DDX10: variants seen among roughly 807,000 people sequenced by gnomAD.
DDX10 encodes the protein DEAD-box helicase 10.
DDX10 carries 74 observed loss-of-function variants against 104.3 expected under a neutral mutation model. The observed-to-expected ratio is 0.71, with a 90% CI of 0.59 to 0.86. The LOEUF (loss-of-function observed/expected upper bound fraction) is 0.86, where lower values mean the gene tolerates loss of function less well. DDX10 is among the 40% of genes least tolerant of loss of function. The probability of loss-of-function intolerance (pLI) is 0.00; values close to 1 mark genes in which losing one functional copy is unlikely to be tolerated. For missense variants in DDX10, 952 were observed against 1,040.0 expected (o/e 0.92, Z 1.16); for synonymous variants, 351 against 353.4 (o/e 0.99, Z 0.08).
chr11:108,696,475 C>T lies in DDX10; in HGVS notation c.1223+2875C>T, dbSNP rs77980345. ...TACAGGTGTGAGCCACAGTGCCCGG[C>T]GAGTACCTGTTTTGATTGTCATTCA... is the stretch of plus-strand genomic sequence containing the variant. On this transcript the variant is annotated intron_variant, in intron 9 of 17. Transcript: ENST00000322536. Among the ~76,000 whole-genome samples, 1,457 of 152,258 alleles carry T rather than the reference C, an allele frequency of 9.6e-3. 16 individuals are homozygous for T. Among genetic ancestry groups the T allele is most frequent in the African/African-American group, 0.033 (1,360 of 41,540 alleles).
intron 3 of DDX10, among the ~76,000 whole-genome samples, chr11:108,676,711 T>C (rs1461816474): frequency 6.6e-6 from 1 of 152,228 alleles, no homozygotes; most frequent in Non-Finnish European, 1.5e-5. Context: ...CCTCCAAAGT[T>C]CTGGGATCAG....
chr11:108,787,759 C>G (rs368332397), intron 13 of DDX10, among the ~76,000 whole-genome samples: 2 of 151,988 alleles, frequency 1.3e-5, no homozygotes, highest in Non-Finnish European at 2.9e-5. Context: ...GGAGAAACCC[C>G]GTCTCTACTA....
intron 13 of DDX10, among the ~76,000 whole-genome samples, chr11:108,826,352 T>G (rs1862395171): frequency 6.6e-6 from 1 of 152,206 alleles, no homozygotes; most frequent in African/African-American, 2.4e-5. Context: ...TTACAATTAA[T>G]ACTTGCCAGA....
At chr11:108,851,049 G>T (rs1368358672) in intron 15 of DDX10, among the ~76,000 whole-genome samples, 1 of 152,026 alleles carries the variant, frequency 6.6e-6, no homozygotes, top group African/African-American at 2.4e-5. Flanking sequence ...TGTGCTAATG[G>T]ACAAAGAAAT....
At chr11:108,921,410 T>C (rs766566283) in intron 17 of DDX10, 2 of 152,238 alleles carry the variant, frequency 1.3e-5, no homozygotes, top group Non-Finnish European at 2.9e-5. Flanking sequence ...AGCTTCCATC[T>C]GCTTATGCTT....
rs1368149010 is a variant in DDX10, at chr11:108,665,084, T to C, written c.-70T>C. The C allele has an allele frequency of 4.7e-6, 7 of 1,476,066 alleles. No individual in the cohort carries two copies. Among genetic ancestry groups the C allele is most frequent in the Non-Finnish European group, 6.3e-6 (7 of 1,117,254 alleles). 91.4% of individuals were successfully genotyped at this position (1,476,066 alleles called of 1,614,324 possible). A position where few individuals can be genotyped will look rare whatever the true frequency, so the allele number is the denominator to read the frequency against. ...GCGCCTCTGTGCGTTTGTCCCATGCTGGTTCCGTGAGTCTGGCCTTAGGTG... is the reference window on the plus strand; with the variant it reads ...GCGCCTCTGTGCGTTTGTCCCATGCCGGTTCCGTGAGTCTGGCCTTAGGTG... On this transcript the variant is annotated 5_prime_UTR_variant, in exon 1 of 18. Coordinates refer to ENST00000322536, the MANE Select transcript of DDX10 (RefSeq NM_004398.4).
At chr11:108,918,269 G>T in intron 17 of DDX10, 7 of 418,718 alleles carry the variant, frequency 1.7e-5, no homozygotes, top group South Asian at 8.8e-5. Flanking sequence ...TGATATATGA[G>T]TTGTGTTTTT....
chr11:108,852,280 G>A, intron 16 of DDX10, 71 bp downstream of exon 16: 1 of 1,192,142 alleles, frequency 8.4e-7, no homozygotes, highest in South Asian at 1.5e-5. Context: ...TTTATATTTT[G>A]GCAAGAACAA....
chr11:108,927,560 GTT>G (rs1290126205), intron 17 of DDX10, among the ~76,000 whole-genome samples: 4 of 151,964 alleles, frequency 2.6e-5, no homozygotes, highest in African/African-American at 9.7e-5. Flanking sequence ...CAGGAGAGAA[GTT>G]AACAGATTTT....
chr11:108,801,240 TTA>T (rs1862016559), intron 13 of DDX10, among the ~76,000 whole-genome samples: 1 of 152,230 alleles, frequency 6.6e-6, no homozygotes, highest in African/African-American at 2.4e-5. Flanking sequence ...AAATCTATCA[TTA>T]TATGTCCTTA....
intron 13 of DDX10, among the ~76,000 whole-genome samples, chr11:108,776,377 C>T (rs34107955): frequency 0.01 from 1,581 of 152,280 alleles, 10 homozygotes; most frequent in Middle Eastern, 0.041. Context: ...GTGGCTCACT[C>T]TGTTTTGGGA....
At chr11:108,707,283 C>G (rs934525899) in intron 10 of DDX10, among the ~76,000 whole-genome samples, 1 of 152,186 alleles carries the variant, frequency 6.6e-6, no homozygotes, top group Non-Finnish European at 1.5e-5. Context: ...TCCCCTCCCC[C>G]TGAACCTCTG....
intron 16 of DDX10, among the ~76,000 whole-genome samples, chr11:108,885,860 T>G (rs1863290083): frequency 6.6e-6 from 1 of 152,122 alleles, no homozygotes; most frequent in Admixed American, 6.5e-5. Context: ...GGGCCAAAAT[T>G]TAAGAATAAT....
chr11:108,730,849 G>GTTT (rs66875438), intron 13 of DDX10, among the ~76,000 whole-genome samples: 45 of 148,778 alleles, frequency 3.0e-4, no homozygotes, highest in African/African-American at 1.1e-3. Context: ...GTACCTGCAT[G>GTTT]TTTTTTTTTT....
At chr11:108,767,873 C>G (rs976520626) in intron 13 of DDX10, 1 of 152,470 alleles carries the variant, frequency 6.6e-6, no homozygotes, top group Admixed American at 6.5e-5. Context: ...TGCACCTCCT[C>G]CACTTCTTCT....
At chr11:108,677,675 C>G (rs1345688153) in intron 4 of DDX10, among the ~76,000 whole-genome samples, 1 of 149,214 alleles carries the variant, frequency 6.7e-6, no homozygotes, top group Non-Finnish European at 1.5e-5. Context: ...AGACCTGCTG[C>G]TCACTTTTGT....
intron 13 of DDX10, among the ~76,000 whole-genome samples, chr11:108,837,637 T>A (rs1862574701): frequency 7.8e-6 from 1 of 127,894 alleles, no homozygotes; most frequent in Non-Finnish European, 1.6e-5. Context: ...TTTTTTTTTT[T>A]TTTTTAGGCA....
At chr11:108,850,022 T>C (rs547988104) in intron 15 of DDX10, among the ~76,000 whole-genome samples, 5 of 152,234 alleles carry the variant, frequency 3.3e-5, no homozygotes, top group Non-Finnish European at 7.4e-5. Context: ...CTTTTCAGAG[T>C]ACTAATAAAG....
At chr11:108,866,654 A>G (rs1863011173) in intron 16 of DDX10, among the ~76,000 whole-genome samples, 1 of 152,220 alleles carries the variant, frequency 6.6e-6, no homozygotes, top group Non-Finnish European at 1.5e-5. Context: ...TCTGTAATAG[A>G]GGACAATTTT....
Sources: gnomAD v4.1 joint callset for allele counts (sites outside exome capture counted in the v4.1 genomes callset) on GRCh38, gnomAD v4.1.1 for gene constraint, MANE v1.5 for transcripts, NCBI Gene and HGNC (gene_info 2026-07-23, HGNC 2026-07-21) for gene names.